The following CADPS variants were observed in gnomAD, a reference collection of about 807,000 sequenced individuals.
CADPS encodes calcium dependent secretion activator, also known as calcium-dependent secretion activator 1.
In CADPS, 57 loss-of-function variants were observed where a neutral mutation model predicts 167.3. The observed-to-expected ratio is 0.34, with a 90% CI of 0.28 to 0.42. CADPS has a LOEUF of 0.42. Ranked by LOEUF, CADPS falls within the 20% of genes least tolerant of loss-of-function variation. CADPS has a pLI of 1.00. For missense variants in CADPS, 1,414 were observed against 1,738.1 expected, an observed-to-expected ratio of 0.81 and a Z score of 3.32; for synonymous variants, 676 against 635.3, an observed-to-expected ratio of 1.06 and a Z score of -0.96.
At chr3:62,664,476 C>T (rs999039545) in intron 3 of CADPS, among the ~76,000 whole-genome samples, 11 of 152,218 alleles carry the variant, frequency 7.2e-5, no homozygotes, top group African/African-American at 1.4e-4. Flanking sequence ...GGCACACACA[C>T]GTGGGAAATA....
intron 13 of CADPS, chr3:62,530,636 AC>A (rs2073429641): frequency 1.6e-6 from 2 of 1,277,516 alleles, no homozygotes; most frequent in African/African-American, 3.1e-5. Context: ...ACAAGCCAAT[AC>A]ACACATAACT....
intron 6 of CADPS, among the ~76,000 whole-genome samples, chr3:62,593,551 C>T (rs917530908): frequency 4.6e-5 from 7 of 152,190 alleles, no homozygotes; most frequent in Admixed American, 6.5e-5. Context: ...TTGCACTGAG[C>T]CCCAGGTCCA....
Position 62,458,487 on chromosome 3 carries a change from CT to C in CADPS, c.3636+6879del, listed in dbSNP as rs2058961283. On this transcript the variant is annotated intron_variant, in intron 26 of 29. Coordinates refer to ENST00000383710, the MANE Select transcript of CADPS (RefSeq NM_003716.4). This position sits in a 1 kb window ranked among gnomAD's most constrained non-coding sequence, Gnocchi z 4.6. ...CCATGTACCTATTCATTAGGTATTT[CT>C]TTTTTCTTTTTCTTTTTTGAGACGG... is the stretch of plus-strand genomic sequence containing the variant. Among the ~76,000 whole-genome samples the C allele has an allele frequency of 1.3e-5, 2 of 149,846 alleles. No homozygotes were observed. Among genetic ancestry groups the C allele is most frequent in the Admixed American group, 6.8e-5 (1 of 14,664 alleles).
intron 3 of CADPS, among the ~76,000 whole-genome samples, chr3:62,672,472 G>T (rs2075698509): frequency 6.6e-6 from 1 of 152,134 alleles, no homozygotes. Context: ...GTTGAGAGCT[G>T]TTGCCATCTG....
intron 1 of CADPS, among the ~76,000 whole-genome samples, chr3:62,769,833 G>A (rs148815033): frequency 4.5e-4 from 68 of 152,188 alleles, no homozygotes; most frequent in African/African-American, 1.5e-3. Flanking sequence ...TCACTTCCAG[G>A]CTGCATGACC....
At position 62,421,982 on chromosome 3, in the gene CADPS, C is replaced by T. The variant is rs893388272; in HGVS notation, c.3777+16122G>A. 2.6e-5 allele frequency among the ~76,000 whole-genome samples: 4 copies of T among 152,202 alleles called. No homozygotes were observed. The highest frequency in any genetic ancestry group is 4.4e-5 in the Non-Finnish European group (3 of 68,036). On this transcript the variant is annotated intron_variant, in intron 28 of 29. Coordinates refer to ENST00000383710, the MANE Select transcript of CADPS (RefSeq NM_003716.4). The surrounding 1 kb of genome is among the most constrained non-coding windows in gnomAD (Gnocchi z 4.7). ...ATATTTCTTTTGATAAGCCTCCTTG[C>T]CTGGCTAAGCTTACAAAGACTGTGC...
chr3:62,708,079 C>T (rs2082660812), intron 3 of CADPS, among the ~76,000 whole-genome samples: 1 of 151,952 alleles, frequency 6.6e-6, no homozygotes, highest in African/African-American at 2.4e-5. Context: ...GCACTAACAC[C>T]ATGGCCAGCT....
Position 62,474,153 on chromosome 3 carries a change from A to ATTTTGTTTTTTTTT in CADPS, c.3477+19_3477+20insAAAAAAAAACAAAA. 2.7e-6 allele frequency: 2 copies of ATTTTGTTTTTTTTT among 735,994 alleles called. No homozygotes were observed. Among genetic ancestry groups the ATTTTGTTTTTTTTT allele is most frequent in the South Asian group, 2.8e-5 (1 of 35,430 alleles). The allele number at this position is 735,994 out of a possible 1,614,324, so 45.6% of individuals were successfully genotyped here. Reference sequence around the variant, plus strand: ...AATGAAGAGGGAAAAAAAAATCTGTATTTTTTTTTTTTTTTTTACCTCTTG... The same window carrying ATTTTGTTTTTTTTT: ...AATGAAGAGGGAAAAAAAAATCTGTATTTTGTTTTTTTTTTTTTTTTTTTTTTTTTTACCTCTTG... On this transcript the variant is annotated intron_variant, in intron 24 of 29. Transcript: ENST00000383710.
At chr3:62,496,102 C>G (rs1055009757) in intron 18 of CADPS, among the ~76,000 whole-genome samples, 4 of 150,672 alleles carry the variant, frequency 2.7e-5, no homozygotes, top group African/African-American at 9.8e-5. Context: ...TACTGAGCAC[C>G]CAGAGAACAT....
At chr3:62,829,825 A>G (rs1421298444) in intron 1 of CADPS, among the ~76,000 whole-genome samples, 1 of 152,192 alleles carries the variant, frequency 6.6e-6, no homozygotes, top group East Asian at 1.9e-4. Context: ...CTGAGAAGGA[A>G]CTACTGAGAA....
chr3:62,803,409 T>C (rs932042666), intron 1 of CADPS, among the ~76,000 whole-genome samples: 4 of 151,540 alleles, frequency 2.6e-5, no homozygotes, highest in African/African-American at 4.8e-5. Context: ...TCAGGGCTAT[T>C]TGGAAAAGTC....
At chr3:62,754,838 A>T (rs1490065196) in intron 2 of CADPS, among the ~76,000 whole-genome samples, 1 of 152,226 alleles carries the variant, frequency 6.6e-6, no homozygotes, top group African/African-American at 2.4e-5. Context: ...GGCACATAGC[A>T]TTAAACATTA....
intron 13 of CADPS, among the ~76,000 whole-genome samples, chr3:62,518,913 CAT>C (rs970247184): frequency 1.3e-4 from 20 of 152,254 alleles, no homozygotes; most frequent in African/African-American, 4.8e-4. Flanking sequence ...GAACAAACCA[CAT>C]GTTTTCCAAT....
intron 9 of CADPS, among the ~76,000 whole-genome samples, chr3:62,566,100 T>C (rs833657): frequency 0.78 from 118,411 of 152,162 alleles, 46,765 homozygotes; most frequent in Middle Eastern, 0.86. Context: ...AACATCTGAA[T>C]TGAAAGACAC....
rs890575089 is a variant in CADPS at position 62,727,826 on chromosome 3, T to C, written c.888+25615A>G. 2.8e-4 allele frequency among the ~76,000 whole-genome samples: 42 copies of C among 152,006 alleles called. 2 individuals carry two copies. Among genetic ancestry groups the C allele is most frequent in the African/African-American group, 9.7e-4 (40 of 41,292 alleles). ...AATTCTGATGAAGCTTCCCCTCAAA[T>C]ACTTAGCTCACTTATACCCAGAGTG... On this transcript the variant is annotated intron_variant, in intron 3 of 29. Transcript: ENST00000383710.
chr3:62,512,300 C>A (rs528050767), intron 17 of CADPS, among the ~76,000 whole-genome samples: 11 of 152,034 alleles, frequency 7.2e-5, no homozygotes, highest in Non-Finnish European at 1.3e-4. Context: ...CTTTATCATG[C>A]GATACATACA....
intron 1 of CADPS, among the ~76,000 whole-genome samples, chr3:62,842,816 T>A (rs574246666): frequency 7.2e-5 from 11 of 152,324 alleles, no homozygotes; most frequent in Non-Finnish European, 1.2e-4. Flanking sequence ...GAATGATGCT[T>A]CAAATTATGA....
At chr3:62,563,997 C>G (rs977664494) in intron 9 of CADPS, among the ~76,000 whole-genome samples, 1 of 151,910 alleles carries the variant, frequency 6.6e-6, no homozygotes, top group Non-Finnish European at 1.5e-5. Flanking sequence ...ATCAAAAGAC[C>G]TGTGTTAGGT....
intron 3 of CADPS, among the ~76,000 whole-genome samples, chr3:62,682,571 T>C (rs1002732897): frequency 2.0e-5 from 3 of 152,052 alleles, no homozygotes; most frequent in African/African-American, 7.2e-5. Flanking sequence ...CTGAACAGAA[T>C]TGAAAGCTGA....
Sources: gnomAD v4.1 joint callset for allele counts (sites outside exome capture counted in the v4.1 genomes callset) on GRCh38, gnomAD v4.1.1 for gene constraint, Gnocchi (gnomAD v3.1) non-coding constraint, MANE v1.5 for transcripts, NCBI Gene and HGNC (gene_info 2026-07-23, HGNC 2026-07-21) for gene names.